The following NALF1 variants were observed in gnomAD, a reference collection of about 807,000 sequenced individuals.
NALF1 encodes NALCN channel auxiliary factor 1, also known as family with sequence similarity 155 member A.
NALF1 carries 3 observed loss-of-function variants against 48.4 expected under a neutral mutation model. The observed-to-expected ratio is 0.06, with a 90% CI of 0.03 to 0.16. The LOEUF is 0.16. Among genes scored for constraint, NALF1 ranks in the 10% least tolerant of loss-of-function variants. The pLI, the probability that NALF1 is intolerant of heterozygous loss-of-function variation, is 1.00. For synonymous variants in NALF1, 262 were observed against 245.7 expected, an observed-to-expected ratio of 1.07 and a Z score of -0.62; for missense variants, 526 against 571.5, an observed-to-expected ratio of 0.92 and a Z score of 0.81.
Position 107,506,808 on chromosome 13 carries a change from C to T in NALF1, c.916-296053G>A, listed in dbSNP as rs186830611. On this transcript the variant is annotated intron_variant, in intron 1 of 2. Coordinates refer to ENST00000375915, the MANE Select transcript of NALF1 (RefSeq NM_001080396.3). ...TTGCTGGACATGTGGATCATTTCTA[C>T]TTTTTGGTCATTGTAAGTAATACTG... Among the ~76,000 whole-genome samples, 618 of 152,046 alleles carry T rather than the reference C, an allele frequency of 4.1e-3. 9 individuals carry two copies. Among genetic ancestry groups the T allele is most frequent in the African/African-American group, 0.014 (599 of 41,500 alleles).
chr13:107,239,299 G>A (rs531612029), intron 1 of NALF1, among the ~76,000 whole-genome samples: 1 of 152,116 alleles, frequency 6.6e-6, no homozygotes, highest in Non-Finnish European at 1.5e-5. Context: ...GCTAATGTTC[G>A]GTGCCGCTCT....
chr13:107,452,606 G>A (rs12866407), intron 1 of NALF1, among the ~76,000 whole-genome samples: 19,479 of 152,116 alleles, frequency 0.13, 1,398 homozygotes, highest in South Asian at 0.18. Flanking sequence ...AGACTTGGGC[G>A]CAGACACAAA....
At chr13:107,839,689 A>AG (rs1879994114) in intron 1 of NALF1, among the ~76,000 whole-genome samples, 1 of 149,788 alleles carries the variant, frequency 6.7e-6, no homozygotes, top group Admixed American at 6.7e-5. Context: ...ATAAGAAAAA[A>AG]AAACTCTTAA....
intron 1 of NALF1, among the ~76,000 whole-genome samples, chr13:107,309,418 C>G (rs1023094966): frequency 2.6e-5 from 4 of 152,194 alleles, no homozygotes; most frequent in African/African-American, 9.6e-5. Flanking sequence ...TGATCACTAT[C>G]ATTTTACTTT....
chr13:107,397,575 G>A (rs1883732983), intron 1 of NALF1, among the ~76,000 whole-genome samples: 2 of 152,092 alleles, frequency 1.3e-5, no homozygotes, highest in South Asian at 2.1e-4. Flanking sequence ...GTGCTCCACA[G>A]TCTGCCCTGG....
chr13:107,510,869 A>T (rs1875865442), intron 1 of NALF1, among the ~76,000 whole-genome samples: 2 of 152,170 alleles, frequency 1.3e-5, no homozygotes, highest in South Asian at 4.1e-4. Context: ...CTTCCTTAAA[A>T]ATTACAGCTT....
rs1196820101 is a variant in NALF1 at position 107,165,345 on chromosome 13, G to A, written c.*5152C>T. On this transcript the variant is annotated 3_prime_UTR_variant, in exon 3 of 3. Transcript: ENST00000375915. ...GAAGAAAATCCATTCAACTCTTCAA[G>A]TGTGTCTGAGACCTAGGGATCCCAC... 10 of 152,122 alleles carry A rather than the reference G, an allele frequency of 6.6e-5. 1 individual carries two copies. Among genetic ancestry groups the A allele is most frequent in the African/African-American group, 1.4e-4 (6 of 41,430 alleles). 9.4% of individuals were successfully genotyped at this position (152,122 alleles called of 1,614,324 possible).
At chr13:107,657,002 T>C (rs1391143699) in intron 1 of NALF1, among the ~76,000 whole-genome samples, 1 of 150,966 alleles carries the variant, frequency 6.6e-6, no homozygotes, top group Non-Finnish European at 1.5e-5. Flanking sequence ...GAGGACTGTG[T>C]GGGGGTGTGG....
intron 1 of NALF1, among the ~76,000 whole-genome samples, chr13:107,334,728 C>T (rs1333428932): frequency 6.6e-6 from 1 of 152,064 alleles, no homozygotes; most frequent in Non-Finnish European, 1.5e-5. Flanking sequence ...TTTTAAAAAA[C>T]GTTTTAAATG....
At chr13:107,667,200 T>C (rs955819069) in intron 1 of NALF1, among the ~76,000 whole-genome samples, 2 of 152,076 alleles carry the variant, frequency 1.3e-5, no homozygotes, top group Non-Finnish European at 2.9e-5. Flanking sequence ...TTTAACCTTG[T>C]ATGTAATTAC....
chr13:107,706,264 C>A (rs1456591784), intron 1 of NALF1, among the ~76,000 whole-genome samples: 1 of 152,138 alleles, frequency 6.6e-6, no homozygotes, highest in Non-Finnish European at 1.5e-5. Context: ...AATTATTAGT[C>A]AAAAATGCAG....
intron 1 of NALF1, among the ~76,000 whole-genome samples, chr13:107,692,052 T>A (rs1881579655): frequency 6.6e-6 from 1 of 152,170 alleles, no homozygotes; most frequent in African/African-American, 2.4e-5. Flanking sequence ...AATAAAATCT[T>A]ACGGACAAAT....
chr13:107,285,607 A>G (rs551009379), intron 1 of NALF1, among the ~76,000 whole-genome samples: 13 of 152,328 alleles, frequency 8.5e-5, no homozygotes, highest in East Asian at 7.7e-4. Context: ...AATAGATACC[A>G]TGGGTATATT....
intron 1 of NALF1, among the ~76,000 whole-genome samples, chr13:107,331,967 T>C (rs961473998): frequency 2.6e-5 from 4 of 152,190 alleles, no homozygotes; most frequent in Non-Finnish European, 5.9e-5. Flanking sequence ...CAGCATCCTA[T>C]GTATACTGTC....
chr13:107,382,343 TG>T (rs1322806225), intron 1 of NALF1, among the ~76,000 whole-genome samples: 4 of 152,222 alleles, frequency 2.6e-5, no homozygotes, highest in African/African-American at 9.6e-5. Context: ...AAGAGGGGTT[TG>T]GCTAAATATT....
intron 1 of NALF1, among the ~76,000 whole-genome samples, chr13:107,280,886 A>C (rs1881373568): frequency 6.6e-6 from 1 of 152,252 alleles, no homozygotes; most frequent in South Asian, 2.1e-4. Context: ...AATGAGCTAA[A>C]GGAAGGCACA....
chr13:107,800,179 A>G (rs1321296146), intron 1 of NALF1, among the ~76,000 whole-genome samples: 1 of 152,156 alleles, frequency 6.6e-6, no homozygotes, highest in Non-Finnish European at 1.5e-5. Flanking sequence ...AGGGAAGCAG[A>G]GTGTGGTCTG....
intron 1 of NALF1, among the ~76,000 whole-genome samples, chr13:107,392,606 T>C (rs1214530759): frequency 1.3e-5 from 2 of 152,088 alleles, no homozygotes; most frequent in African/African-American, 4.8e-5. Flanking sequence ...GTCTCCAAGA[T>C]TTGTGGTGAT....
rs74855489 is a variant in NALF1 at position 107,721,280 on chromosome 13, G to T, written c.915+144402C>A. On this transcript the variant is annotated intron_variant, in intron 1 of 2. Transcript: ENST00000375915. ...GTAAAAATGATACCGGTTCCTAGGG[G>T]ACAAAAACATCATCTTCCGCCAGCA... Among the ~76,000 whole-genome samples, 1,293 of 152,116 alleles carry T rather than the reference G, an allele frequency of 8.5e-3. 18 individuals carry two copies. The highest frequency in any genetic ancestry group is 0.03 in the African/African-American group (1,231 of 41,494).
Sources: gnomAD v4.1 joint callset for allele counts (sites outside exome capture counted in the v4.1 genomes callset) on GRCh38, gnomAD v4.1.1 for gene constraint, MANE v1.5 for transcripts, NCBI Gene and HGNC (gene_info 2026-07-23, HGNC 2026-07-21) for gene names.